Variants in ATXN7 observed in about 807,000 individuals in gnomAD.
ATXN7 encodes ataxin-7.
A neutral mutation model predicts 70.5 loss-of-function variants in ATXN7; 12 were observed. The ratio of observed to expected loss-of-function variants is 0.17; its 90% CI spans 0.11 to 0.28. ATXN7 has a LOEUF of 0.28. Ranked by LOEUF, ATXN7 falls within the 10% of genes least tolerant of loss-of-function variation. The pLI is 1.00. For missense variants in ATXN7, 1,256 were observed against 1,131.7 expected, an observed-to-expected ratio of 1.11 and a Z score of -1.58; for synonymous variants, 498 against 448.7, an observed-to-expected ratio of 1.11 and a Z score of -1.39.
rs1167362284 is a variant in ATXN7 at position 63,913,010 on chromosome 3, C to T, written c.325+87C>T. 4 of 1,408,624 alleles carry T rather than the reference C, an allele frequency of 2.8e-6. No individual in the cohort carries two copies. In the African/African-American group the frequency reaches 5.8e-5, roughly 20 times the overall value. The allele number at this position is 1,408,624 out of a possible 1,614,324, so 87.3% of individuals were successfully genotyped here. A position where few individuals can be genotyped will look rare whatever the true frequency, so the allele number is the denominator to read the frequency against. ...TCCCCCCTGCCCCCCTCCTGTGACC[C>T]GCCCCCTCGAGGGGCAGAGATGCTA... On this transcript the variant is annotated intron_variant, in intron 3 of 12. Transcript: ENST00000674280.
chr3:63,892,738 TG>T (rs972028818), intron 1 of ATXN7, among the ~76,000 whole-genome samples: 1 of 152,096 alleles, frequency 6.6e-6, no homozygotes, highest in African/African-American at 2.4e-5. Flanking sequence ...TCAGGACCTG[TG>T]GTTCCATTTT....
In ATXN7 at chr3:63,939,782, C is replaced by T. The variant is rs368752744; in HGVS notation, c.395-12597C>T. 7.2e-5 allele frequency among the ~76,000 whole-genome samples: 11 copies of T among 152,176 alleles called. No individual in the cohort carries two copies. In the East Asian group the frequency reaches 1.5e-3, roughly 21 times the overall value. On this transcript the variant is annotated intron_variant, in intron 4 of 12. Coordinates refer to ENST00000674280, the MANE Select transcript of ATXN7 (RefSeq NM_001377405.1). Reference sequence around the variant, plus strand: ...CCAGCAGCTTCACAACTAGGGTAGCCGTGAAAGCCAGCAGTCTAGCAGCCA... The same window carrying T: ...CCAGCAGCTTCACAACTAGGGTAGCTGTGAAAGCCAGCAGTCTAGCAGCCA...
chr3:63,906,159 G>A (rs1233908978), intron 2 of ATXN7, among the ~76,000 whole-genome samples: 1 of 152,210 alleles, frequency 6.6e-6, no homozygotes, highest in Non-Finnish European at 1.5e-5. Context: ...TACTTTGGAG[G>A]TGGAAAGGGA....
intron 4 of ATXN7, among the ~76,000 whole-genome samples, chr3:63,944,327 T>C (rs1342874065): frequency 6.6e-6 from 1 of 152,016 alleles, no homozygotes; most frequent in Non-Finnish European, 1.5e-5. Flanking sequence ...AATAATAAAA[T>C]AATAATAATT....
chr3:63,863,415 C>T, upstream of ATXN7: 1 of 1,077,276 alleles, frequency 9.3e-7, no homozygotes, highest in Non-Finnish European at 1.1e-6. Context: ...AACCCGGACT[C>T]CCTCTGGTCC....
At chr3:63,892,465 CT>C (rs1334899339) in intron 1 of ATXN7, among the ~76,000 whole-genome samples, 1 of 138,586 alleles carries the variant, frequency 7.2e-6, no homozygotes, top group African/African-American at 3.0e-5. Context: ...CTTATCGCTC[CT>C]TCACACACAC....
At position 64,000,879 on chromosome 3, in the gene ATXN7, G is replaced by A. The variant is rs984349017; in HGVS notation, c.*1412G>A. Reference sequence around the variant, plus strand: ...AGAAGGTGTCATTGAATTCCGGGACGAGCCGGAGCCTTTAAATGGGTGCTT... The same window carrying A: ...AGAAGGTGTCATTGAATTCCGGGACAAGCCGGAGCCTTTAAATGGGTGCTT... On this transcript the variant is annotated 3_prime_UTR_variant, in exon 13 of 13. Transcript: ENST00000674280. 4.2e-5 allele frequency: 6 copies of A among 144,050 alleles called. No homozygotes were observed. The highest frequency in any genetic ancestry group is 1.5e-4 in the Admixed American group (2 of 13,452). 8.9% of individuals were successfully genotyped at this position (144,050 alleles called of 1,614,324 possible). A position where few individuals can be genotyped will look rare whatever the true frequency, so the allele number is the denominator to read the frequency against.
intron 12 of ATXN7, chr3:63,997,898 T>G (rs2075785353): frequency 1.0e-6 from 1 of 985,334 alleles, no homozygotes; most frequent in East Asian, 1.1e-4. Context: ...CTGCATGCAT[T>G]ATGGGTTATT....
intron 5 of ATXN7, among the ~76,000 whole-genome samples, chr3:63,972,041 T>C (rs895978490): frequency 2.0e-5 from 3 of 152,232 alleles, no homozygotes; most frequent in Admixed American, 6.5e-5. Flanking sequence ...ATGATGCCAA[T>C]TGACACCTCA....
At chr3:63,949,649 C>T (rs1048687236) in intron 4 of ATXN7, among the ~76,000 whole-genome samples, 3 of 152,166 alleles carry the variant, frequency 2.0e-5, no homozygotes, top group African/African-American at 7.2e-5. Flanking sequence ...CCGCCTTCCT[C>T]GGCCTCCCAA....
At chr3:63,954,410 C>A (rs2106666783) in intron 5 of ATXN7, among the ~76,000 whole-genome samples, 1 of 152,284 alleles carries the variant, frequency 6.6e-6, no homozygotes, top group Non-Finnish European at 1.5e-5. Flanking sequence ...ACTGATGTAC[C>A]CACCTGTGGA....
chr3:63,978,918 ATACT>A (rs2075436428), intron 5 of ATXN7, among the ~76,000 whole-genome samples: 2 of 152,354 alleles, frequency 1.3e-5, no homozygotes, highest in Admixed American at 6.5e-5. Context: ...AATGTTTTAA[ATACT>A]TATATAGCTC....
At chr3:63,960,920 G>A (rs1174374089) in intron 5 of ATXN7, among the ~76,000 whole-genome samples, 2 of 151,992 alleles carry the variant, frequency 1.3e-5, no homozygotes, top group Non-Finnish European at 2.9e-5. Flanking sequence ...GGAAACAAAA[G>A]ATACTGTGTG....
chr3:63,867,114 G>A (rs1308065793), intron 1 of ATXN7: 1 of 152,128 alleles, frequency 6.6e-6, no homozygotes, highest in Non-Finnish European at 1.5e-5. Context: ...TTTGTACTAT[G>A]CTTTTAGAGC....
At chr3:63,993,543 A>G (rs1168419161) in intron 11 of ATXN7, among the ~76,000 whole-genome samples, 3 of 151,934 alleles carry the variant, frequency 2.0e-5, no homozygotes, top group Non-Finnish European at 4.4e-5. Context: ...CCTAGCCCCC[A>G]CAGACATTTT....
intron 2 of ATXN7, among the ~76,000 whole-genome samples, chr3:63,909,019 C>G (rs1018039904): frequency 6.6e-6 from 1 of 152,180 alleles, no homozygotes; most frequent in African/African-American, 2.4e-5. Flanking sequence ...CTACTTTTCT[C>G]ACATACTCAG....
chr3:63,863,671 G>C, upstream of ATXN7: 1 of 1,233,066 alleles, frequency 8.1e-7, no homozygotes, highest in Non-Finnish European at 1.0e-6. Flanking sequence ...AGAGGCCGGG[G>C]AGGCCGAGGG....
chr3:63,904,552 A>G (rs1040109412), intron 2 of ATXN7: 1 of 152,302 alleles, frequency 6.6e-6, no homozygotes, highest in Non-Finnish European at 1.5e-5. Flanking sequence ...TTGGCCTCCC[A>G]AAGTGCTGGG....
intron 4 of ATXN7, among the ~76,000 whole-genome samples, chr3:63,916,037 C>G (rs1024076828): frequency 6.6e-6 from 1 of 152,178 alleles, no homozygotes; most frequent in African/African-American, 2.4e-5. Context: ...GACTTGAATT[C>G]TCCAATGTGC....
Sources: allele counts gnomAD v4.1 joint callset (sites outside exome capture counted in the v4.1 genomes callset), GRCh38; gene constraint gnomAD v4.1.1; transcripts MANE v1.5; gene names NCBI Gene and HGNC (gene_info 2026-07-23, HGNC 2026-07-21).